Variants in CTBP2 observed in about 807,000 individuals in gnomAD.
CTBP2 encodes the protein C-terminal binding protein 2.
Under a neutral mutation model 80.3 loss-of-function variants are expected in CTBP2, and 30 were observed. The observed-to-expected ratio is 0.37, with a 90% CI of 0.28 to 0.51. The LOEUF is 0.51. Ranked by LOEUF, CTBP2 falls within the 20% of genes least tolerant of loss-of-function variation. The pLI is 0.93. For synonymous variants in CTBP2, 594 were observed against 587.4 expected (o/e 1.01, Z -0.16); for missense variants, 1,212 against 1,375.3 (o/e 0.88, Z 1.88).
chr10:125,032,727 T>C (rs1958386781), upstream of CTBP2: 1 of 154,700 alleles, frequency 6.5e-6, no homozygotes, highest in Non-Finnish European at 1.5e-5. Context: ...AACTGTCGAC[T>C]ATGACTCAAT....
At position 125,066,362 on chromosome 10, in the gene CTBP2, AGTCAGAAC is replaced by A. The variant is rs1398987961; in HGVS notation, c.-101-27215_-101-27208del. On this transcript the variant is annotated intron_variant, in intron 2 of 10. Transcript: ENST00000337195. This position sits in a 1 kb window ranked among gnomAD's most constrained non-coding sequence, Gnocchi z 4.1. Reference sequence around the variant, plus strand: ...CCAGCGAGAAATCGGGAAAACATCAAGTCAGAACGTCCCGTGCCTTCTAAGCAGTCAGG... The same window carrying A: ...CCAGCGAGAAATCGGGAAAACATCAAGTCCCGTGCCTTCTAAGCAGTCAGG... Among the ~76,000 whole-genome samples the A allele has an allele frequency of 6.6e-6, 1 of 152,160 alleles. No individual in the cohort carries two copies.
intron 6 of CTBP2, 121 bp from the exon 9 acceptor site, chr10:124,993,450 G>A (rs534752470): frequency 1.8e-6 from 2 of 1,087,314 alleles, no homozygotes; most frequent in East Asian, 5.2e-5. Flanking sequence ...ATGGATACAG[G>A]AACATCTGTG....
chr10:125,069,945 A>G (rs1161974642), intron 2 of CTBP2, among the ~76,000 whole-genome samples: 1 of 150,658 alleles, frequency 6.6e-6, no homozygotes, highest in Non-Finnish European at 1.5e-5. Flanking sequence ...AGTTACCCTA[A>G]GTAACTACAG....
At chr10:125,091,613 C>T (rs1032588793) in intron 2 of CTBP2, among the ~76,000 whole-genome samples, 1 of 152,120 alleles carries the variant, frequency 6.6e-6, no homozygotes, top group Non-Finnish European at 1.5e-5. Flanking sequence ...TCTCTACAAA[C>T]AAACAAAAAA....
At chr10:125,115,570 G>A (rs1234463231) in intron 1 of CTBP2, among the ~76,000 whole-genome samples, 8 of 152,148 alleles carry the variant, frequency 5.3e-5, no homozygotes, top group African/African-American at 1.7e-4. Flanking sequence ...TGGAAGGTTC[G>A]TCCCAAGGCC....
At chr10:125,098,657 G>GAGAGAGAGAGA (rs1849948390) in intron 2 of CTBP2, among the ~76,000 whole-genome samples, 3 of 44,968 alleles carry the variant, frequency 6.7e-5, no homozygotes, top group East Asian at 6.8e-4. Flanking sequence ...TGGGGGAGGG[G>GAGAGAGAGAGA]GAGAGAGAGA....
At position 125,074,546 on chromosome 10, in the gene CTBP2, G is replaced by T. The variant is rs548719763; in HGVS notation, c.-101-35391C>A. Reference sequence around the variant, plus strand: ...TTTTTGTATTTTTGGTAGAGACGGGGTTTCACCGTGGCTGGTCTCAAACTC... The same window carrying T: ...TTTTTGTATTTTTGGTAGAGACGGGTTTTCACCGTGGCTGGTCTCAAACTC... On this transcript the variant is annotated intron_variant, in intron 2 of 10. Transcript: ENST00000337195. 2.0e-5 allele frequency among the ~76,000 whole-genome samples: 3 copies of T among 152,250 alleles called. No homozygotes were observed. In the East Asian group the frequency reaches 5.8e-4, roughly 29 times the overall value.
chr10:125,105,509 G>A (rs1445261872), intron 2 of CTBP2, among the ~76,000 whole-genome samples: 1 of 152,080 alleles, frequency 6.6e-6, no homozygotes, highest in Non-Finnish European at 1.5e-5. Context: ...AAGTAACCAG[G>A]CTCTTGCACT....
At chr10:125,161,033 G>A (rs1294556821), upstream of CTBP2, 2 of 149,582 alleles carry the variant, frequency 1.3e-5, no homozygotes, top group Non-Finnish European at 3.0e-5. Flanking sequence ...GGCGAGGTGA[G>A]GGTCGCCGCT....
Position 124,998,018 on chromosome 10 carries a change from C to A in CTBP2, c.2131G>T (p.Val711Leu), listed in dbSNP as rs146329695. The stretch of plus-strand genomic sequence containing the variant: ...CGGATGCGGGCCGCTCCCGAGGCCA[C>A]CTCGCGGATCTGCTCCACGCTCTGA... The change falls in exon 4 of 9, where the codon GTG becomes TTG. Residue 711 changes from valine to leucine, a missense_variant. This residue lies in a region of CTBP2 where 335 missense variants were observed against 504.7 expected (regional missense o/e 0.66). Transcript: ENST00000309035. The A allele has an allele frequency of 6.2e-7, 1 of 1,613,262 alleles. No homozygotes were observed. Among genetic ancestry groups the A allele is most frequent in the South Asian group, 1.1e-5 (1 of 91,078 alleles).
At chr10:125,119,172 A>G (rs1316407500) in intron 1 of CTBP2, among the ~76,000 whole-genome samples, 1 of 152,220 alleles carries the variant, frequency 6.6e-6, no homozygotes, top group Non-Finnish European at 1.5e-5. Flanking sequence ...AGGTGAGCAG[A>G]GGGGTCTTCA....
rs753757298 is a variant in CTBP2, at chr10:125,098,746, G to GAC, written c.-102+12243_-102+12244insGT. Among the ~76,000 whole-genome samples the GAC allele has an allele frequency of 1.4e-3, 108 of 79,248 alleles. 2 individuals carry two copies. Among genetic ancestry groups the GAC allele is most frequent in the Middle Eastern group, 6.5e-3 (1 of 154 alleles). The allele number at this position is 79,248 out of a possible 152,430, so 52.0% of individuals were successfully genotyped here. The stretch of plus-strand genomic sequence containing the variant: ...AGACAGAGAGAGAGAGAGAGAGAGA[G>GAC]AGACAGAGAGAGAGAGAGAGAGAGA... On this transcript the variant is annotated intron_variant, in intron 2 of 10. Transcript: ENST00000337195.
upstream of CTBP2, among the ~76,000 whole-genome samples, chr10:125,031,512 A>AAAAAAAAAAC: frequency 6.7e-6 from 1 of 149,440 alleles, no homozygotes; most frequent in Non-Finnish European, 1.5e-5. Flanking sequence ...AAAAAAAAAA[A>AAAAAAAAAAC]AGTCTTTCCT....
Position 125,104,238 on chromosome 10 carries a change from T to C in CTBP2, c.-102+6752A>G, listed in dbSNP as rs138273079. Among the ~76,000 whole-genome samples the C allele has an allele frequency of 1.1e-3, 171 of 152,248 alleles. 2 individuals carry two copies. Among genetic ancestry groups the C allele is most frequent in the African/African-American group, 4.0e-3 (166 of 41,560 alleles). On this transcript the variant is annotated intron_variant, in intron 2 of 10. Coordinates refer to the CTBP2 transcript ENST00000337195. ...ACAGGAGGACCCTGTGCGGGCGCCATTGTTGTTCATCAGTATACATTTATA... is the reference window on the plus strand; with the variant it reads ...ACAGGAGGACCCTGTGCGGGCGCCACTGTTGTTCATCAGTATACATTTATA...
rs373822007 is a variant in CTBP2, at chr10:125,098,746, G to C, written c.-102+12244C>G. Among the ~76,000 whole-genome samples the C allele has an allele frequency of 5.4e-3, 429 of 79,256 alleles. 8 individuals are homozygous for C. Among genetic ancestry groups the C allele is most frequent in the Non-Finnish European group, 8.2e-3 (283 of 34,582 alleles). 52.0% of individuals were successfully genotyped at this position (79,256 alleles called of 152,430 possible). A position where few individuals can be genotyped will look rare whatever the true frequency, so the allele number is the denominator to read the frequency against. On this transcript the variant is annotated intron_variant, in intron 2 of 10. Transcript: ENST00000337195. ...AGACAGAGAGAGAGAGAGAGAGAGA[G>C]AGACAGAGAGAGAGAGAGAGAGAGA...
At chr10:125,128,487 C>T (rs868201731) in intron 1 of CTBP2, among the ~76,000 whole-genome samples, 4 of 152,166 alleles carry the variant, frequency 2.6e-5, no homozygotes, top group Admixed American at 2.6e-4. Context: ...ACAGGCCCCA[C>T]CCTAATATAG....
intron 1 of CTBP2, among the ~76,000 whole-genome samples, chr10:125,010,384 C>A (rs916965842): frequency 6.6e-6 from 1 of 152,082 alleles, no homozygotes; most frequent in Non-Finnish European, 1.5e-5. Flanking sequence ...CCAGAGGCTG[C>A]GATTTCATTT....
intron 2 of CTBP2, among the ~76,000 whole-genome samples, chr10:125,057,038 C>T (rs913104522): frequency 6.6e-6 from 1 of 152,354 alleles, no homozygotes; most frequent in Admixed American, 6.5e-5. Flanking sequence ...AAGCATGCCT[C>T]TCTGCCCTCT....
intron 8 of CTBP2, among the ~76,000 whole-genome samples, chr10:124,991,020 T>C (rs1952536841): frequency 6.6e-6 from 1 of 152,236 alleles, no homozygotes; most frequent in Non-Finnish European, 1.5e-5. Context: ...TATACTCCCA[T>C]GGCCTGAGAT....
Sources: gnomAD v4.1 joint callset for allele counts (sites outside exome capture counted in the v4.1 genomes callset) on GRCh38, gnomAD v4.1.1 for gene constraint, gnomAD v4.1.1 regional missense constraint, Gnocchi (gnomAD v3.1) non-coding constraint, MANE v1.5 for transcripts, NCBI Gene and HGNC (gene_info 2026-07-23, HGNC 2026-07-21) for gene names.